Variants in GUCY1A2 observed in about 807,000 individuals in gnomAD.
GUCY1A2 encodes the protein guanylate cyclase 1 soluble subunit alpha 2.
In GUCY1A2, 27 loss-of-function variants were observed where a neutral mutation model predicts 63.5. The ratio of observed to expected loss-of-function variants is 0.43; its 90% CI spans 0.31 to 0.59. GUCY1A2 has a LOEUF of 0.59. Among genes scored for constraint, GUCY1A2 ranks in the 20% least tolerant of loss-of-function variants. GUCY1A2 has a pLI of 0.11. For synonymous variants in GUCY1A2, 364 were observed against 343.5 expected, an observed-to-expected ratio of 1.06 and a Z score of -0.66; for missense variants, 768 against 913.3, an observed-to-expected ratio of 0.84 and a Z score of 2.05.
At chr11:106,710,494 G>T (rs1391161712) in intron 6 of GUCY1A2, among the ~76,000 whole-genome samples, 1 of 148,582 alleles carries the variant, frequency 6.7e-6, no homozygotes, top group Non-Finnish European at 1.5e-5. Flanking sequence ...CAACATTAGT[G>T]ATAAATGTTG....
chr11:106,853,697 G>A (rs1168404042), intron 4 of GUCY1A2, among the ~76,000 whole-genome samples: 1 of 152,026 alleles, frequency 6.6e-6, no homozygotes, highest in Non-Finnish European at 1.5e-5. Context: ...CTTTGTAAGT[G>A]TCATGTTTCC....
chr11:106,938,140 A>T (rs1860703764), intron 4 of GUCY1A2, among the ~76,000 whole-genome samples: 1 of 151,974 alleles, frequency 6.6e-6, no homozygotes, highest in Admixed American at 6.6e-5. Context: ...GGGTTTCATC[A>T]TGTTGGCCAG....
At chr11:106,866,313 G>C (rs1859592558) in intron 4 of GUCY1A2, among the ~76,000 whole-genome samples, 1 of 152,034 alleles carries the variant, frequency 6.6e-6, no homozygotes, top group African/African-American at 2.4e-5. Context: ...GACAGAGAGG[G>C]AAGTAGAGAA....
chr11:106,947,800 G>C (rs542624299), intron 3 of GUCY1A2, among the ~76,000 whole-genome samples: 2 of 151,846 alleles, frequency 1.3e-5, no homozygotes, highest in East Asian at 3.9e-4. Flanking sequence ...ACAATTCTGA[G>C]GTACAACAAA....
chr11:106,766,044 C>A (rs984972037), intron 6 of GUCY1A2, among the ~76,000 whole-genome samples: 2 of 152,070 alleles, frequency 1.3e-5, no homozygotes, highest in African/African-American at 4.8e-5. Flanking sequence ...GCAAGAGTTG[C>A]TAGGAAACCA....
intron 4 of GUCY1A2, chr11:106,936,830 A>C: frequency 1.8e-6 from 1 of 563,978 alleles, no homozygotes; most frequent in Non-Finnish European, 3.1e-6. Flanking sequence ...AAATTATTTT[A>C]AAATAGCATT....
intron 5 of GUCY1A2, among the ~76,000 whole-genome samples, chr11:106,784,679 A>AT (rs1565289017): frequency 1.3e-5 from 2 of 152,162 alleles, no homozygotes; most frequent in South Asian, 2.1e-4. Flanking sequence ...AGTTATTAAG[A>AT]TTTTTTTTAG....
intron 7 of GUCY1A2, among the ~76,000 whole-genome samples, chr11:106,700,894 A>G (rs926430298): frequency 2.0e-4 from 31 of 152,088 alleles, no homozygotes; most frequent in Admixed American, 6.6e-5. Context: ...TAGGAAGAAG[A>G]GTAAATATTT....
chr11:106,903,679 T>C (rs919534726), intron 4 of GUCY1A2, among the ~76,000 whole-genome samples: 3 of 152,148 alleles, frequency 2.0e-5, no homozygotes, highest in South Asian at 4.1e-4. Context: ...GTCATCTAAA[T>C]AGCAAAGGAG....
chr11:106,924,784 C>T (rs986399996), intron 4 of GUCY1A2, among the ~76,000 whole-genome samples: 1 of 152,030 alleles, frequency 6.6e-6, no homozygotes, highest in Non-Finnish European at 1.5e-5. Context: ...GAGGGTGGAT[C>T]GCTTGAGCCC....
At chr11:106,806,311 AAAGTC>A (rs1312368038) in intron 5 of GUCY1A2, among the ~76,000 whole-genome samples, 7 of 152,184 alleles carry the variant, frequency 4.6e-5, no homozygotes, top group African/African-American at 1.7e-4. Flanking sequence ...GAACTGGAGA[AAAGTC>A]AAGTTAAAGT....
At chr11:106,874,535 C>T (rs1859723752) in intron 4 of GUCY1A2, among the ~76,000 whole-genome samples, 2 of 151,966 alleles carry the variant, frequency 1.3e-5, no homozygotes, top group Admixed American at 6.6e-5. Flanking sequence ...TTGTTGTTTC[C>T]AAGTAATTTT....
intron 1 of GUCY1A2, among the ~76,000 whole-genome samples, chr11:107,005,743 C>G (rs1387230613): frequency 6.6e-6 from 1 of 152,044 alleles, no homozygotes; most frequent in South Asian, 2.1e-4. Flanking sequence ...TAAACAAGAA[C>G]CTGGTAAGAT....
chr11:106,806,782 T>A (rs1275689790), intron 5 of GUCY1A2, among the ~76,000 whole-genome samples: 1 of 152,316 alleles, frequency 6.6e-6, no homozygotes, highest in African/African-American at 2.4e-5. Flanking sequence ...GTGCTTGATA[T>A]ATGCACAGCA....
At chr11:106,693,285 T>C (rs1213442151) in intron 7 of GUCY1A2, among the ~76,000 whole-genome samples, 2 of 152,204 alleles carry the variant, frequency 1.3e-5, no homozygotes, top group Non-Finnish European at 2.9e-5. Flanking sequence ...GGTATTAAAT[T>C]CTTCTTTAGA....
chr11:106,921,829 G>T (rs534731198), intron 4 of GUCY1A2, among the ~76,000 whole-genome samples: 1 of 152,178 alleles, frequency 6.6e-6, no homozygotes, highest in East Asian at 1.9e-4. Context: ...CCTTCCACTT[G>T]AGTGAAAGCC....
intron 4 of GUCY1A2, among the ~76,000 whole-genome samples, chr11:106,865,991 C>T (rs1859586986): frequency 6.6e-6 from 1 of 151,592 alleles, no homozygotes; most frequent in African/African-American, 2.4e-5. Flanking sequence ...TGGTTTACTC[C>T]ACAGCATCTA....
At chr11:106,945,491 T>C (rs551888854) in intron 3 of GUCY1A2, among the ~76,000 whole-genome samples, 4 of 152,014 alleles carry the variant, frequency 2.6e-5, no homozygotes, top group African/African-American at 9.7e-5. Context: ...AGTAGACACA[T>C]TAGTGAGCAA....
intron 4 of GUCY1A2, among the ~76,000 whole-genome samples, chr11:106,839,974 G>A (rs1324237833): frequency 2.0e-5 from 3 of 151,834 alleles, no homozygotes; most frequent in African/African-American, 4.8e-5. Flanking sequence ...AAACCTGCAC[G>A]TTGTGCACAT....
Sources: gnomAD v4.1 joint callset for allele counts (sites outside exome capture counted in the v4.1 genomes callset) on GRCh38, gnomAD v4.1.1 for gene constraint, MANE v1.5 for transcripts, NCBI Gene and HGNC (gene_info 2026-07-23, HGNC 2026-07-21) for gene names.